Variants in EPHA6 observed in about 807,000 individuals in gnomAD.
EPHA6 encodes the protein EPH receptor A6, also known as ephrin type-A receptor 6.
Under a neutral mutation model 112.0 loss-of-function variants are expected in EPHA6, and 50 were observed. The observed-to-expected ratio is 0.45, with a 90% CI of 0.36 to 0.56. The LOEUF is 0.56. Among genes scored for constraint, EPHA6 ranks in the 20% least tolerant of loss-of-function variants. The pLI is 0.00. For synonymous variants in EPHA6, 529 were observed against 490.7 expected (o/e 1.08, Z -1.03); for missense variants, 1,280 against 1,417.4 (o/e 0.90, Z 1.56).
At chr3:97,537,581 T>C (rs1560111371) in intron 11 of EPHA6, among the ~76,000 whole-genome samples, 1 of 152,120 alleles carries the variant, frequency 6.6e-6, no homozygotes. Flanking sequence ...TCTAGTCAAC[T>C]TTTGTTTGTT....
intron 11 of EPHA6, among the ~76,000 whole-genome samples, chr3:97,532,941 G>A (rs953388896): frequency 1.3e-5 from 2 of 151,930 alleles, no homozygotes; most frequent in Non-Finnish European, 2.9e-5. Flanking sequence ...TTTACCTGGA[G>A]TAAAACTTAT....
chr3:97,026,121 ATTTTT>A (rs3038599), intron 3 of EPHA6, among the ~76,000 whole-genome samples: 12 of 116,020 alleles, frequency 1.0e-4, no homozygotes, highest in African/African-American at 2.7e-4. Context: ...TATGTGTCTG[ATTTTT>A]TTTTTTTTTT....
rs2035766534 is a variant in EPHA6, at chr3:97,747,473, T to C, written c.3179T>C (p.Val1060Ala). Residue 1060 changes from valine (V) to alanine (A), a missense_variant, in exon 17 of 18, where the codon GTT becomes GCT. Around this residue, in one of 4 missense-constraint regions of EPHA6, gnomAD observed 145 missense variants for 153.3 expected, o/e 0.95. Transcript: ENST00000389672. ...CCGGAATATCCTTTGTTTGTCACAG[T>C]TGGTGACTGGCTAGATTCTATAAAG... ...EVPEYPLFVT[V>A]GDWLDSIKMG... is the part of the protein sequence containing the mutation. 3 of 1,605,226 alleles carry C rather than the reference T, an allele frequency of 1.9e-6. No individual in the cohort carries two copies. The highest frequency in any genetic ancestry group is 1.1e-5 in the South Asian group (1 of 89,242).
intron 1 of EPHA6, among the ~76,000 whole-genome samples, chr3:96,829,950 CACACACACACA>C (rs1463000023): frequency 3.4e-4 from 3 of 8,940 alleles, no homozygotes; most frequent in East Asian, 0.011. Context: ...CGCGCGCGCG[CACACACACACA>C]CACACACACA....
chr3:96,826,345 A>G (rs2033657500), intron 1 of EPHA6, among the ~76,000 whole-genome samples: 1 of 152,098 alleles, frequency 6.6e-6, no homozygotes, highest in South Asian at 2.1e-4. Flanking sequence ...CTTGTGATAT[A>G]GATCCCATTT....
chr3:97,347,461 C>T (rs549374495), intron 5 of EPHA6, among the ~76,000 whole-genome samples: 8 of 152,068 alleles, frequency 5.3e-5, no homozygotes, highest in Admixed American at 2.0e-4. Context: ...TTACTAAGTA[C>T]GTTTAATAAA....
chr3:97,734,048 T>G (rs1306779536), intron 15 of EPHA6, among the ~76,000 whole-genome samples: 1 of 152,034 alleles, frequency 6.6e-6, no homozygotes. Flanking sequence ...TTCCTCTGAG[T>G]CTAAATTGTC....
intron 14 of EPHA6, among the ~76,000 whole-genome samples, chr3:97,667,674 C>A (rs1235655234): frequency 6.6e-6 from 1 of 152,132 alleles, no homozygotes; most frequent in South Asian, 2.1e-4. Context: ...AAAAAGTATA[C>A]TTTGTAGAGA....
intron 14 of EPHA6, among the ~76,000 whole-genome samples, chr3:97,678,589 T>C (rs987147812): frequency 1.3e-5 from 2 of 152,156 alleles, no homozygotes; most frequent in African/African-American, 4.8e-5. Context: ...CAGAGAATCC[T>C]AGAAAGGTGA....
intron 12 of EPHA6, among the ~76,000 whole-genome samples, chr3:97,605,143 A>C (rs1407681947): frequency 1.1e-4 from 17 of 151,546 alleles, no homozygotes. Flanking sequence ...AGAGAAATTC[A>C]TAGGAGAGTT....
chr3:97,610,163 G>T (rs1181695102), intron 12 of EPHA6, among the ~76,000 whole-genome samples: 1 of 151,464 alleles, frequency 6.6e-6, no homozygotes, highest in African/African-American at 2.4e-5. Flanking sequence ...TGCCATCATT[G>T]CTCTGTTGAT....
At chr3:96,914,528 T>G (rs948248358) in intron 2 of EPHA6, among the ~76,000 whole-genome samples, 25 of 152,252 alleles carry the variant, frequency 1.6e-4, no homozygotes, top group African/African-American at 5.8e-4. Context: ...GAAGTTATAG[T>G]TTGTGTTTAA....
chr3:97,226,198 G>A, intron 3 of EPHA6, 66 bp from the exon 4 acceptor site: 1 of 1,342,516 alleles, frequency 7.4e-7, no homozygotes, highest in Non-Finnish European at 1.0e-6. Flanking sequence ...AAAGTATGTT[G>A]TACATGTACA....
At chr3:97,007,030 G>T (rs1299404689) in intron 3 of EPHA6, among the ~76,000 whole-genome samples, 3 of 152,140 alleles carry the variant, frequency 2.0e-5, no homozygotes, top group Non-Finnish European at 4.4e-5. Flanking sequence ...CAATTATGTG[G>T]TCGATTTTAG....
chr3:97,693,030 G>A (rs532429915), intron 14 of EPHA6, among the ~76,000 whole-genome samples: 2 of 152,280 alleles, frequency 1.3e-5, no homozygotes, highest in South Asian at 2.1e-4. Flanking sequence ...AGAAGGACAC[G>A]TGTGGTTGGT....
intron 3 of EPHA6, among the ~76,000 whole-genome samples, chr3:97,144,829 C>T (rs1427459533): frequency 6.6e-6 from 1 of 151,306 alleles, no homozygotes; most frequent in Admixed American, 6.6e-5. Context: ...CTCCTCTGTA[C>T]ATTTTTCTTC....
At chr3:96,911,714 T>C (rs1033566480) in intron 2 of EPHA6, among the ~76,000 whole-genome samples, 2 of 152,094 alleles carry the variant, frequency 1.3e-5, no homozygotes, top group Non-Finnish European at 2.9e-5. Flanking sequence ...TTAAAGATAA[T>C]TGGTAATACT....
intron 10 of EPHA6, among the ~76,000 whole-genome samples, chr3:97,484,918 G>A (rs908803852): frequency 6.6e-6 from 1 of 152,180 alleles, no homozygotes; most frequent in African/African-American, 2.4e-5. Context: ...TCCAAACACA[G>A]TATTCACATC....
At chr3:97,205,586 T>G (rs193152666) in intron 3 of EPHA6, among the ~76,000 whole-genome samples, 2 of 152,192 alleles carry the variant, frequency 1.3e-5, no homozygotes, top group Non-Finnish European at 1.5e-5. Context: ...TGACTTTTCA[T>G]ATGCACAGGT....
Sources: gnomAD v4.1 joint callset for allele counts (sites outside exome capture counted in the v4.1 genomes callset) on GRCh38, gnomAD v4.1.1 for gene constraint, gnomAD v4.1.1 regional missense constraint, MANE v1.5 for transcripts, NCBI Gene and HGNC (gene_info 2026-07-23, HGNC 2026-07-21) for gene names.